FAM107B: variants seen among roughly 807,000 people sequenced by gnomAD.
FAM107B encodes the protein protein FAM107B.
In FAM107B, 21 loss-of-function variants were observed where a neutral mutation model predicts 31.5. The observed-to-expected ratio is 0.67, with a 90% CI of 0.47 to 0.96. The LOEUF (loss-of-function observed/expected upper bound fraction) is 0.96. Among genes scored for constraint, FAM107B ranks in the 40% least tolerant of loss-of-function variants. FAM107B has a pLI of 0.00. For synonymous variants in FAM107B, 157 were observed against 141.5 expected (o/e 1.11, Z -0.78); for missense variants, 452 against 377.1 (o/e 1.20, Z -1.64).
chr10:14,613,213 C>T (rs540976631), intron 2 of FAM107B, among the ~76,000 whole-genome samples: 1 of 152,184 alleles, frequency 6.6e-6, no homozygotes, highest in Non-Finnish European at 1.5e-5. Context: ...CTCAAGTGAT[C>T]TGCCTGCCTT....
intron 2 of FAM107B, among the ~76,000 whole-genome samples, chr10:14,655,839 G>C (rs141497913): frequency 6.6e-6 from 1 of 152,210 alleles, no homozygotes; most frequent in African/African-American, 2.4e-5. Flanking sequence ...GGGAAAGTGA[G>C]CTGCAGTATT....
In FAM107B at chr10:14,723,335, G is replaced by C. The variant is rs1400143865; in HGVS notation, c.411+50918C>G. On this transcript the variant is annotated intron_variant, in intron 1 of 4. Transcript: ENST00000181796. ...AGACCAGTCTGCAACCTCAGGCTAAGTAGCAGTGAACTCAGGTGCTGGAGC... is the reference window on the plus strand; with the variant it reads ...AGACCAGTCTGCAACCTCAGGCTAACTAGCAGTGAACTCAGGTGCTGGAGC... The C allele has an allele frequency of 9.2e-6, 5 of 543,996 alleles. No homozygotes were observed. The African/African-American group carries it at 9.5e-5, about 10-fold the overall frequency. The allele number at this position is 543,996 out of a possible 1,614,324, so 33.7% of individuals were successfully genotyped here.
At chr10:14,604,359 C>T (rs1224282309) in intron 2 of FAM107B, 2 of 571,396 alleles carry the variant, frequency 3.5e-6, no homozygotes, top group Admixed American at 6.6e-5. Context: ...GCTCCGGGGG[C>T]GGCGGCCCGG....
At chr10:14,738,355 C>A (rs1856358911) in intron 1 of FAM107B, among the ~76,000 whole-genome samples, 1 of 152,192 alleles carries the variant, frequency 6.6e-6, no homozygotes, top group African/African-American at 2.4e-5. Context: ...TAGGTCACCA[C>A]TGAGCTCACC....
At chr10:14,772,469 T>A (rs1003238890) in intron 1 of FAM107B, among the ~76,000 whole-genome samples, 6 of 152,034 alleles carry the variant, frequency 3.9e-5, no homozygotes, top group African/African-American at 1.5e-4. Context: ...CTGCACAGCT[T>A]AGCTCTCGGT....
intron 2 of FAM107B, among the ~76,000 whole-genome samples, chr10:14,609,503 C>T (rs1018935695): frequency 6.6e-6 from 1 of 152,192 alleles, no homozygotes; most frequent in African/African-American, 2.4e-5. Flanking sequence ...CCAGAAACCT[C>T]ATCATGTGGC....
chr10:14,733,373 A>C (rs1446788429), intron 1 of FAM107B, among the ~76,000 whole-genome samples: 1 of 152,178 alleles, frequency 6.6e-6, no homozygotes, highest in Non-Finnish European at 1.5e-5. Flanking sequence ...GATCACTGAG[A>C]TCTTTTGTTA....
intron 1 of FAM107B, among the ~76,000 whole-genome samples, chr10:14,712,406 C>G (rs1855670492): frequency 6.6e-6 from 1 of 151,974 alleles, no homozygotes; most frequent in African/African-American, 2.4e-5. Flanking sequence ...GCCTGGCCAA[C>G]ATGGTGAAAC....
intron 2 of FAM107B, among the ~76,000 whole-genome samples, chr10:14,538,357 G>A (rs1003408577): frequency 6.6e-6 from 1 of 152,204 alleles, no homozygotes; most frequent in Admixed American, 6.5e-5. Flanking sequence ...GCGGTGTGCT[G>A]ACATAGTGGA....
chr10:14,690,989 C>G (rs1170005437), intron 1 of FAM107B, among the ~76,000 whole-genome samples: 2 of 152,192 alleles, frequency 1.3e-5, no homozygotes, highest in Non-Finnish European at 2.9e-5. Context: ...GGAGAGCATA[C>G]TTCCTGGGTT....
intron 2 of FAM107B, among the ~76,000 whole-genome samples, chr10:14,600,028 A>ATC (rs1397509942): frequency 4.6e-5 from 7 of 152,150 alleles, no homozygotes; most frequent in Non-Finnish European, 1.0e-4. Context: ...CTTTTTCTGC[A>ATC]TCTCTCTCCC....
At chr10:14,587,240 GAACT>G (rs1564588427) in intron 2 of FAM107B, among the ~76,000 whole-genome samples, 1 of 152,108 alleles carries the variant, frequency 6.6e-6, no homozygotes, top group African/African-American at 2.4e-5. Flanking sequence ...GCCAGTGTCG[GAACT>G]AATAAATGAC....
chr10:14,626,589 C>T (rs1273426540), intron 2 of FAM107B, among the ~76,000 whole-genome samples: 2 of 150,276 alleles, frequency 1.3e-5, no homozygotes, highest in African/African-American at 2.5e-5. Flanking sequence ...CTGCAAGCTC[C>T]GCCTTCCGGG....
chr10:14,518,793 C>CACT lies in FAM107B; in HGVS notation c.*2394_*2396dup, dbSNP rs1365001474. ...TCGACTGTTATAGCTTAGAAAGCAA[C>CACT]ACTACTACTATGAGACTATAAAACA... On this transcript the variant is annotated 3_prime_UTR_variant, in exon 5 of 5. Coordinates refer to ENST00000181796, the MANE Select transcript of FAM107B (RefSeq NM_031453.4). The CACT allele has an allele frequency of 1.3e-5, 2 of 152,554 alleles. No homozygotes were observed. The highest frequency in any genetic ancestry group is 2.9e-5 in the Non-Finnish European group (2 of 68,020). 9.5% of individuals were successfully genotyped at this position (152,554 alleles called of 1,614,324 possible).
At chr10:14,723,755 C>G in intron 1 of FAM107B, 1 of 757,934 alleles carries the variant, frequency 1.3e-6, no homozygotes. Flanking sequence ...GTGAAGTGGC[C>G]AGCAATTAGA....
intron 2 of FAM107B, among the ~76,000 whole-genome samples, chr10:14,550,075 G>C (rs1467753043): frequency 6.6e-6 from 1 of 152,130 alleles, no homozygotes; most frequent in African/African-American, 2.4e-5. Context: ...AGTTAAAAGA[G>C]GCCTTCGAGA....
chr10:14,770,314 G>A (rs750549061), intron 1 of FAM107B, among the ~76,000 whole-genome samples: 1 of 152,154 alleles, frequency 6.6e-6, no homozygotes, highest in East Asian at 1.9e-4. Context: ...CATGAGGTCA[G>A]GAATTCGAGA....
intron 2 of FAM107B, among the ~76,000 whole-genome samples, chr10:14,611,481 GTT>G (rs1356107055): frequency 8.9e-6 from 1 of 112,862 alleles, no homozygotes; most frequent in African/African-American, 3.8e-5. Context: ...TTGAATGCCA[GTT>G]TTATATATAT....
intron 1 of FAM107B, among the ~76,000 whole-genome samples, chr10:14,769,610 T>G (rs945771431): frequency 2.6e-5 from 4 of 152,158 alleles, no homozygotes; most frequent in Admixed American, 6.5e-5. Context: ...GGTCTTGAAC[T>G]CCTGACTTCG....
Sources: allele counts gnomAD v4.1 joint callset (sites outside exome capture counted in the v4.1 genomes callset), GRCh38; gene constraint gnomAD v4.1.1; transcripts MANE v1.5; gene names NCBI Gene and HGNC (gene_info 2026-07-23, HGNC 2026-07-21).